PAAF1: variants seen among roughly 807,000 people sequenced by gnomAD.
PAAF1 encodes proteasomal ATPase associated factor 1, also known as proteasomal ATPase-associated factor 1.
In PAAF1, 46 loss-of-function variants were observed where a neutral mutation model predicts 52.8. The observed-to-expected ratio is 0.87, with a 90% CI of 0.69 to 1.11. The LOEUF (loss-of-function observed/expected upper bound fraction) is 1.11, where lower values mean the gene tolerates loss of function less well. Among genes scored for constraint, PAAF1 ranks in the 50% most tolerant of loss-of-function variants. The probability of loss-of-function intolerance (pLI) is 0.00; values close to 1 mark genes in which losing one functional copy is unlikely to be tolerated. For missense variants in PAAF1, 424 were observed against 477.4 expected, an observed-to-expected ratio of 0.89 and a Z score of 1.04; for synonymous variants, 178 against 172.8, an observed-to-expected ratio of 1.03 and a Z score of -0.24.
rs1194419549 is a variant in PAAF1, at chr11:73,891,103, T to C, written c.193-9T>C. 1 of 1,544,756 alleles carries C rather than the reference T, an allele frequency of 6.5e-7. No homozygotes were observed. The highest frequency in any genetic ancestry group is 1.1e-5 in the South Asian group (1 of 88,268). On this transcript the variant is annotated splice_polypyrimidine_tract_variant and intron_variant, in intron 3 of 11. Coordinates refer to ENST00000310571, the MANE Select transcript of PAAF1 (RefSeq NM_025155.3). The stretch of plus-strand genomic sequence containing the variant: ...TACTGATGAATCTCATCTTTTCCTC[T>C]TTGTTTAGAAAAGCATTCATATTTC...
chr11:73,894,944 A>AT (rs1949303745), intron 4 of PAAF1, among the ~76,000 whole-genome samples: 1 of 152,198 alleles, frequency 6.6e-6, no homozygotes, highest in Admixed American at 6.5e-5. Context: ...TGATTGTGCC[A>AT]TTGCATTCCA....
At chr11:73,897,737 A>G (rs1449515211) in intron 4 of PAAF1, among the ~76,000 whole-genome samples, 1 of 149,486 alleles carries the variant, frequency 6.7e-6, no homozygotes, top group Non-Finnish European at 1.5e-5. Flanking sequence ...ATCCCAGAAG[A>G]TGGGCGGCCA....
chr11:73,876,959 G>T, upstream of PAAF1: 1 of 1,448,784 alleles, frequency 6.9e-7, no homozygotes, highest in Non-Finnish European at 9.2e-7. Context: ...CTCGCCGCAC[G>T]CTTCTCGGGG....
intron 7 of PAAF1, among the ~76,000 whole-genome samples, chr11:73,913,340 A>G (rs955385064): frequency 1.3e-5 from 2 of 152,136 alleles, no homozygotes; most frequent in African/African-American, 4.8e-5. Flanking sequence ...CACGCCCATA[A>G]TCCCAGCACT....
intron 4 of PAAF1, among the ~76,000 whole-genome samples, chr11:73,893,316 G>A (rs1265001425): frequency 3.9e-5 from 6 of 152,200 alleles, no homozygotes; most frequent in East Asian, 3.9e-4. Context: ...AAAACATACC[G>A]TTAGGTTGAA....
At chr11:73,889,446 T>G (rs1949145080) in intron 3 of PAAF1, among the ~76,000 whole-genome samples, 1 of 152,244 alleles carries the variant, frequency 6.6e-6, no homozygotes, top group South Asian at 2.1e-4. Context: ...TTTTGTCTGT[T>G]CTGATCTCTC....
chr11:73,907,677 C>T (rs1177101926), intron 6 of PAAF1, among the ~76,000 whole-genome samples: 1 of 152,154 alleles, frequency 6.6e-6, no homozygotes, highest in Non-Finnish European at 1.5e-5. Flanking sequence ...AATGGGAGTG[C>T]TGCTGCCGGC....
At chr11:73,909,654 T>G in intron 7 of PAAF1, 61 bp downstream of exon 7, 2 of 1,484,998 alleles carry the variant, frequency 1.3e-6, no homozygotes, top group Non-Finnish European at 1.9e-6. Context: ...AGTGATTGCC[T>G]TAGTTTCTCC....
chr11:73,904,065 C>G (rs1209636505), intron 6 of PAAF1, among the ~76,000 whole-genome samples: 1 of 149,892 alleles, frequency 6.7e-6, no homozygotes, highest in East Asian at 2.0e-4. Flanking sequence ...GCCTGGGCAA[C>G]AGAGCGAGAC....
chr11:73,915,149 A>G (rs1189661611), intron 8 of PAAF1, among the ~76,000 whole-genome samples: 1 of 152,180 alleles, frequency 6.6e-6, no homozygotes, highest in African/African-American at 2.4e-5. Flanking sequence ...ACTGGTCATA[A>G]TAGGGTATGT....
At chr11:73,914,381 A>T in intron 7 of PAAF1, 32 bp from the exon 8 acceptor site, 1 of 1,597,514 alleles carries the variant, frequency 6.3e-7, no homozygotes, top group Non-Finnish European at 8.6e-7. Context: ...GATCAGCCTC[A>T]CTGTTATTAA....
chr11:73,920,124 G>A (rs1427919310), intron 10 of PAAF1, among the ~76,000 whole-genome samples: 1 of 152,078 alleles, frequency 6.6e-6, no homozygotes, highest in Non-Finnish European at 1.5e-5. Context: ...TAACATTTGG[G>A]AAAACCTGAA....
At chr11:73,899,073 G>A in intron 4 of PAAF1, 73 bp from the exon 5 acceptor site, 1 of 1,239,520 alleles carries the variant, frequency 8.1e-7, no homozygotes, top group Non-Finnish European at 1.2e-6. Flanking sequence ...AAAAAGGGAA[G>A]TTTATAACAT....
At chr11:73,893,544 C>T (rs1302679577) in intron 4 of PAAF1, among the ~76,000 whole-genome samples, 1 of 151,686 alleles carries the variant, frequency 6.6e-6, no homozygotes, top group East Asian at 1.9e-4. Flanking sequence ...CAAGACCAGC[C>T]TGGACAACAT....
intron 7 of PAAF1, among the ~76,000 whole-genome samples, chr11:73,911,599 T>C (rs1468159555): frequency 6.6e-6 from 1 of 151,730 alleles, no homozygotes; most frequent in Non-Finnish European, 1.5e-5. Flanking sequence ...AAATGGCTGT[T>C]GTTAAAGTCA....
chr11:73,904,896 A>G (rs191708737), intron 6 of PAAF1, among the ~76,000 whole-genome samples: 1 of 152,290 alleles, frequency 6.6e-6, no homozygotes, highest in East Asian at 1.9e-4. Context: ...CTTTTCTTGA[A>G]GGCAAATGCT....
At chr11:73,925,521 T>A (rs923386897) in intron 11 of PAAF1, among the ~76,000 whole-genome samples, 29 of 151,710 alleles carry the variant, frequency 1.9e-4, no homozygotes, top group Non-Finnish European at 8.8e-5. Context: ...ACTTAAAAAC[T>A]TACTTTACCT....
intron 5 of PAAF1, among the ~76,000 whole-genome samples, chr11:73,899,642 C>T (rs1161805995): frequency 6.6e-6 from 1 of 152,110 alleles, no homozygotes; most frequent in Admixed American, 6.6e-5. Context: ...CAACTCCTCA[C>T]GTCAAGTGAT....
chr11:73,896,303 T>A (rs1949361138), intron 4 of PAAF1, among the ~76,000 whole-genome samples: 1 of 105,578 alleles, frequency 9.5e-6, no homozygotes, highest in African/African-American at 5.3e-5. Context: ...TTCTTTTTTA[T>A]TTATTTTTTT....
Sources: gnomAD v4.1 joint callset for allele counts (sites outside exome capture counted in the v4.1 genomes callset) on GRCh38, gnomAD v4.1.1 for gene constraint, MANE v1.5 for transcripts, NCBI Gene and HGNC (gene_info 2026-07-23, HGNC 2026-07-21) for gene names.